KCNMB4: variants seen among roughly 807,000 people sequenced by gnomAD.
KCNMB4 encodes the protein calcium-activated potassium channel subunit beta-4.
In KCNMB4, 3 loss-of-function variants were observed where a neutral mutation model predicts 20.7. The ratio of observed to expected loss-of-function variants is 0.14; its 90% CI spans 0.07 to 0.37. KCNMB4 has a LOEUF of 0.37. Ranked by LOEUF, KCNMB4 falls within the 10% of genes least tolerant of loss-of-function variation. The pLI is 1.00. For missense variants in KCNMB4, 168 were observed against 265.9 expected (o/e 0.63, Z 2.56); for synonymous variants, 110 against 113.4 (o/e 0.97, Z 0.19).
chr12:70,394,012 G>A (rs1868327671), intron 1 of KCNMB4, among the ~76,000 whole-genome samples: 1 of 152,088 alleles, frequency 6.6e-6, no homozygotes, highest in African/African-American at 2.4e-5. Flanking sequence ...TTATACTCTG[G>A]AGGCCAAAAT....
Position 70,366,632 on chromosome 12 carries a change from G to T in KCNMB4, c.-103G>T. On this transcript the variant is annotated 5_prime_UTR_variant, in exon 1 of 3. Coordinates refer to ENST00000258111, the MANE Select transcript of KCNMB4 (RefSeq NM_014505.6). ...CCCACTCCCCTGCTGTCGCGCGGCG[G>T]CGGCGGTGGCGGCGGCGGCTCCTCC... 4 of 818,792 alleles carry T rather than the reference G, an allele frequency of 4.9e-6. No individual in the cohort carries two copies. Among genetic ancestry groups the T allele is most frequent in the Non-Finnish European group, 6.4e-6 (4 of 624,016 alleles). 50.7% of individuals were successfully genotyped at this position (818,792 alleles called of 1,614,324 possible).
chr12:70,397,350 G>GA (rs1414853019), intron 1 of KCNMB4, among the ~76,000 whole-genome samples: 1 of 151,812 alleles, frequency 6.6e-6, no homozygotes, highest in Non-Finnish European at 1.5e-5. Context: ...CTTGACTCTT[G>GA]AAAAAAAATT....
At chr12:70,372,270 A>T (rs921152581) in intron 1 of KCNMB4, among the ~76,000 whole-genome samples, 14 of 152,226 alleles carry the variant, frequency 9.2e-5, no homozygotes, top group African/African-American at 3.4e-4. Context: ...TATTCCAAGC[A>T]TGATGGGAAT....
At chr12:70,385,212 C>T (rs754596230) in intron 1 of KCNMB4, among the ~76,000 whole-genome samples, 4 of 152,190 alleles carry the variant, frequency 2.6e-5, no homozygotes, top group Non-Finnish European at 1.5e-5. Context: ...TGCCATGTTA[C>T]AGGCCCTATC....
intron 2 of KCNMB4, among the ~76,000 whole-genome samples, chr12:70,408,475 A>G (rs2870874): frequency 0.43 from 65,332 of 152,114 alleles, 14,210 homozygotes; most frequent in East Asian, 0.59. Context: ...TTAAAAATCT[A>G]AGACAAAGAT....
chr12:70,410,991 T>G (rs951881090), intron 2 of KCNMB4, among the ~76,000 whole-genome samples: 7 of 152,208 alleles, frequency 4.6e-5, no homozygotes, highest in African/African-American at 7.2e-5. Context: ...GAGTAGTGGT[T>G]TCTTCAGAAC....
At chr12:70,418,834 A>G (rs1255871055) in intron 2 of KCNMB4, among the ~76,000 whole-genome samples, 2 of 152,150 alleles carry the variant, frequency 1.3e-5, no homozygotes, top group Non-Finnish European at 2.9e-5. Context: ...ATAGATACCC[A>G]ATGGAATCCC....
At chr12:70,396,616 T>C (rs1407362018) in intron 1 of KCNMB4, among the ~76,000 whole-genome samples, 1 of 152,200 alleles carries the variant, frequency 6.6e-6, no homozygotes, top group Non-Finnish European at 1.5e-5. Flanking sequence ...AAGAAAGTTT[T>C]CTTAAGTCCC....
At chr12:70,386,594 G>C (rs12305011) in intron 1 of KCNMB4, among the ~76,000 whole-genome samples, 83,354 of 145,360 alleles carry the variant, frequency 0.57, 24,725 homozygotes, top group African/African-American at 0.76. Context: ...TTGTTTGTTT[G>C]TTGTTTTTTT....
intron 2 of KCNMB4, among the ~76,000 whole-genome samples, chr12:70,423,815 G>T (rs1025024049): frequency 2.0e-5 from 3 of 152,128 alleles, no homozygotes; most frequent in African/African-American, 7.2e-5. Context: ...AATATCATTG[G>T]TAGACCCCAG....
chr12:70,416,316 C>G (rs1362538068), intron 2 of KCNMB4, among the ~76,000 whole-genome samples: 1 of 152,146 alleles, frequency 6.6e-6, no homozygotes, highest in Non-Finnish European at 1.5e-5. Context: ...GGTGAAAGAG[C>G]AGAAAACAGG....
At chr12:70,393,192 TTTTATTTTA>T (rs1257936159) in intron 1 of KCNMB4, among the ~76,000 whole-genome samples, 2 of 152,038 alleles carry the variant, frequency 1.3e-5, no homozygotes, top group Non-Finnish European at 2.9e-5. Flanking sequence ...TGTGTTTTTA[TTTTATTTTA>T]TTTATTTTAT....
chr12:70,374,717 CTT>C (rs1387204157), intron 1 of KCNMB4, among the ~76,000 whole-genome samples: 5 of 152,110 alleles, frequency 3.3e-5, no homozygotes, highest in African/African-American at 9.7e-5. Context: ...TAGATGGTCT[CTT>C]TATACTGAAG....
At chr12:70,378,705 T>C (rs1029438493) in intron 1 of KCNMB4, among the ~76,000 whole-genome samples, 1 of 152,000 alleles carries the variant, frequency 6.6e-6, no homozygotes, top group African/African-American at 2.4e-5. Flanking sequence ...CCCGGCTAAT[T>C]TTTGTATTTT....
At chr12:70,423,598 C>T (rs1189528642) in intron 2 of KCNMB4, among the ~76,000 whole-genome samples, 1 of 152,116 alleles carries the variant, frequency 6.6e-6, no homozygotes, top group African/African-American at 2.4e-5. Flanking sequence ...TTCACCTCAG[C>T]CCCTAAATAG....
intron 1 of KCNMB4, among the ~76,000 whole-genome samples, chr12:70,371,683 A>G (rs894920068): frequency 2.6e-5 from 4 of 152,190 alleles, no homozygotes; most frequent in African/African-American, 7.2e-5. Flanking sequence ...TTCAGCATCT[A>G]TTATAATGAT....
In KCNMB4 at chr12:70,433,682, A is replaced by G. The variant is rs1033200014; in HGVS notation, c.*3029A>G. 7 of 152,282 alleles carry G rather than the reference A, an allele frequency of 4.6e-5. No individual in the cohort carries two copies. The highest frequency in any genetic ancestry group is 1.0e-4 in the Non-Finnish European group (7 of 68,058). The allele number at this position is 152,282 out of a possible 1,614,324, so 9.4% of individuals were successfully genotyped here. A position where few individuals can be genotyped will look rare whatever the true frequency, so the allele number is the denominator to read the frequency against. On this transcript the variant is annotated 3_prime_UTR_variant, in exon 3 of 3. Transcript: ENST00000258111. Reference sequence around the variant, plus strand: ...TTAAAGACAAAAATGATAGCAGCCAATGGCCCATGCCGTGATAATCTGCTG... The same window carrying G: ...TTAAAGACAAAAATGATAGCAGCCAGTGGCCCATGCCGTGATAATCTGCTG...
intron 1 of KCNMB4, among the ~76,000 whole-genome samples, chr12:70,398,867 ATCACGTGGCG>A (rs1376311048): frequency 3.9e-5 from 6 of 152,196 alleles, no homozygotes; most frequent in African/African-American, 1.4e-4. Flanking sequence ...CAGCTGTGAT[ATCACGTGGCG>A]TGAGTCCCAT....
At chr12:70,395,567 G>A (rs1868343591) in intron 1 of KCNMB4, among the ~76,000 whole-genome samples, 1 of 152,190 alleles carries the variant, frequency 6.6e-6, no homozygotes, top group Non-Finnish European at 1.5e-5. Flanking sequence ...ATATGATAAT[G>A]GAAAACTAAG....
Sources: allele counts gnomAD v4.1 joint callset (sites outside exome capture counted in the v4.1 genomes callset), GRCh38; gene constraint gnomAD v4.1.1; transcripts MANE v1.5; gene names NCBI Gene and HGNC (gene_info 2026-07-23, HGNC 2026-07-21).